PFKP: variants seen among roughly 807,000 people sequenced by gnomAD.
PFKP encodes phosphofructokinase, platelet.
In PFKP, 101 loss-of-function variants were observed where a neutral mutation model predicts 94.3. The observed-to-expected ratio is 1.07, with a 90% confidence interval of 0.91 to 1.26. The LOEUF is 1.26. Among genes scored for constraint, PFKP ranks in the 50% most tolerant of loss-of-function variants. PFKP has a pLI of 0.00. For missense variants in PFKP, 1,145 were observed against 1,103.3 expected (o/e 1.04, Z -0.53); for synonymous variants, 573 against 432.6 (o/e 1.32, Z -4.03).
chr10:3,103,985 C>G (rs773995294), intron 5 of PFKP, 41 bp downstream of exon 5: 5 of 1,591,492 alleles, frequency 3.1e-6, no homozygotes, highest in Non-Finnish European at 4.3e-6. Flanking sequence ...CAGTGGGGCC[C>G]GACGTGTGCC....
chr10:3,097,078 A>AAAAAC (rs1834545641), intron 2 of PFKP, among the ~76,000 whole-genome samples: 1 of 6,634 alleles, frequency 1.5e-4, no homozygotes, highest in African/African-American at 5.6e-4. Flanking sequence ...ACTCCGTCTC[A>AAAAAC]AAAAAACAAA....
intron 2 of PFKP, among the ~76,000 whole-genome samples, chr10:3,086,947 A>AC (rs1431955188): frequency 6.6e-6 from 1 of 151,998 alleles, no homozygotes; most frequent in Admixed American, 6.6e-5. Flanking sequence ...TGGGAGGCCT[A>AC]CCCCAGAGGC....
chr10:3,132,417 C>T lies in PFKP; in HGVS notation c.1886C>T (p.Thr629Ile). 1.2e-6 allele frequency: 2 copies of T among 1,612,286 alleles called. No homozygotes were observed. Among genetic ancestry groups the T allele is most frequent in the Non-Finnish European group, 1.7e-6 (2 of 1,178,344 alleles). The change falls in exon 18 of 22, where the codon ACC becomes ATC. Residue 629 changes from threonine (T) to isoleucine (I), a missense_variant. Physicochemically the swap from Thr to Ile is moderately conservative, Grantham distance 89. Coordinates refer to ENST00000381125, the MANE Select transcript of PFKP (RefSeq NM_002627.5). ...CACCTGACGGAGAAAATGAAGACCA[C>T]CATCCAGAGAGGCCTTGTGCTCAGG... is the stretch of plus-strand genomic sequence containing the variant. ...VEHLTEKMKTTIQRGLVLRNE... is the reference protein window; with the variant it reads ...VEHLTEKMKTIIQRGLVLRNE...
chr10:3,095,234 A>G (rs2892554), intron 2 of PFKP, among the ~76,000 whole-genome samples: 61,370 of 119,108 alleles, frequency 0.52, 12,502 homozygotes, highest in Middle Eastern at 0.56. Context: ...CGAGAAAGCC[A>G]CCCATAGGTG....
chr10:3,107,894 G>A (rs575766056), intron 8 of PFKP: 42 of 1,289,434 alleles, frequency 3.3e-5, no homozygotes, highest in African/African-American at 2.3e-4. Context: ...TGCTGTAGAC[G>A]GGGCTGCAGG....
chr10:3,103,945 G>C lies in PFKP; in HGVS notation c.620+1G>C. On this transcript the variant is annotated splice_donor_variant, in intron 5 of 21. Transcript: ENST00000381125. LOFTEE classifies it high-confidence loss of function. ...ACGCCATCATGACCACGGCCCAGAGGTAAAGCGCTCAGAGGAACCGGCGGG... is the reference window on the plus strand; with the variant it reads ...ACGCCATCATGACCACGGCCCAGAGCTAAAGCGCTCAGAGGAACCGGCGGG... The C allele has an allele frequency of 6.2e-7, 1 of 1,613,158 alleles. No homozygotes were observed. The highest frequency in any genetic ancestry group is 8.5e-7 in the Non-Finnish European group (1 of 1,179,920).
rs748160459 is a variant in PFKP at position 3,132,369 on chromosome 10, C to T, written c.1849-11C>T. 1.3e-6 allele frequency: 2 copies of T among 1,598,566 alleles called. No homozygotes were observed. Among genetic ancestry groups the T allele is most frequent in the Non-Finnish European group, 1.7e-6 (2 of 1,166,232 alleles). On this transcript the variant is annotated splice_polypyrimidine_tract_variant and intron_variant, in intron 17 of 21. Coordinates refer to ENST00000381125, the MANE Select transcript of PFKP (RefSeq NM_002627.5). Reference sequence around the variant, plus strand: ...AGTTTATTGTCTGATTAACAAAATACTCTCTTCCAGTCCAACGTGGAGCAC... The same window carrying T: ...AGTTTATTGTCTGATTAACAAAATATTCTCTTCCAGTCCAACGTGGAGCAC...
intron 9 of PFKP, among the ~76,000 whole-genome samples, chr10:3,108,996 C>A (rs1835898142): frequency 1.3e-5 from 2 of 152,122 alleles, no homozygotes; most frequent in African/African-American, 4.8e-5. Context: ...GGGAGAGCTC[C>A]CTAATGTGGG....
chr10:3,102,904 C>T (rs35863365), intron 4 of PFKP, among the ~76,000 whole-genome samples: 27,725 of 152,220 alleles, frequency 0.18, 2,610 homozygotes, highest in Non-Finnish European at 0.2. Flanking sequence ...CACCTCATCC[C>T]GTCTGGCACA....
At chr10:3,120,752 C>T (rs7072286) in intron 16 of PFKP, among the ~76,000 whole-genome samples, 68,556 of 151,868 alleles carry the variant, frequency 0.45, 15,448 homozygotes, top group East Asian at 0.48. Flanking sequence ...CTCGACCTCC[C>T]GGGCTCAGGT....
intron 4 of PFKP, among the ~76,000 whole-genome samples, chr10:3,103,152 G>C (rs940559226): frequency 6.6e-6 from 1 of 152,214 alleles, no homozygotes; most frequent in Non-Finnish European, 1.5e-5. Flanking sequence ...GTTCAAAGCC[G>C]TGTCATTCTC....
chr10:3,103,431 G>A (rs528183070), intron 4 of PFKP, among the ~76,000 whole-genome samples: 107 of 152,294 alleles, frequency 7.0e-4, no homozygotes, highest in South Asian at 3.9e-3. Flanking sequence ...AGGACCACTT[G>A]AGCCCAGGAA....
intron 16 of PFKP, among the ~76,000 whole-genome samples, chr10:3,122,690 G>A (rs192876882): frequency 9.8e-5 from 15 of 152,358 alleles, no homozygotes; most frequent in African/African-American, 3.6e-4. Flanking sequence ...TGTGACTGGT[G>A]ACTCATGGCA....
intron 2 of PFKP, among the ~76,000 whole-genome samples, chr10:3,087,409 G>C (rs1234828744): frequency 6.6e-6 from 1 of 152,162 alleles, no homozygotes; most frequent in African/African-American, 2.4e-5. Context: ...CGGGGACAGC[G>C]CCTCTTCCTG....
At chr10:3,109,221 TA>T in intron 9 of PFKP, 133 bp from the exon 10 acceptor site, 1 of 1,196,856 alleles carries the variant, frequency 8.4e-7, no homozygotes, top group Non-Finnish European at 1.2e-6. Context: ...CGCTTTGCTC[TA>T]AAGAGTTGGG....
chr10:3,112,324 C>G, intron 11 of PFKP, 38 bp downstream of exon 11: 1 of 1,500,810 alleles, frequency 6.7e-7, no homozygotes, highest in East Asian at 2.3e-5. Flanking sequence ...CTGTCAGGAA[C>G]ACACACCCCT....
intron 20 of PFKP, among the ~76,000 whole-genome samples, chr10:3,135,225 G>C (rs1839103952): frequency 6.6e-6 from 1 of 151,710 alleles, no homozygotes; most frequent in African/African-American, 2.4e-5. Context: ...AGTCATAGCA[G>C]ATGTGTGCTT....
At chr10:3,093,406 G>A (rs552999768) in intron 2 of PFKP, among the ~76,000 whole-genome samples, 1 of 152,304 alleles carries the variant, frequency 6.6e-6, no homozygotes, top group African/African-American at 2.4e-5. Flanking sequence ...TGATGCTTGA[G>A]CACAGCACTG....
At chr10:3,084,798 A>AGCCCC (rs1161633408) in intron 2 of PFKP, among the ~76,000 whole-genome samples, 21 of 105,960 alleles carry the variant, frequency 2.0e-4, no homozygotes, top group Admixed American at 3.5e-4. Flanking sequence ...AGAGTCCTCC[A>AGCCCC]TCTCCTCCCC....
Sources: allele counts gnomAD v4.1 joint callset (sites outside exome capture counted in the v4.1 genomes callset), GRCh38; gene constraint gnomAD v4.1.1; transcripts MANE v1.5; gene names NCBI Gene and HGNC (gene_info 2026-07-23, HGNC 2026-07-21).